The following SNX29 variants were observed in gnomAD, a reference collection of about 807,000 sequenced individuals.
The protein encoded by SNX29 is sorting nexin 29, also known as sorting nexin-29.
Under a neutral mutation model 102.1 loss-of-function variants are expected in SNX29, and 78 were observed. The observed-to-expected ratio is 0.76, with a 90% CI of 0.64 to 0.92. SNX29 has a LOEUF of 0.92. Among genes scored for constraint, SNX29 ranks in the 40% least tolerant of loss-of-function variants. SNX29 has a pLI of 0.00. For synonymous variants in SNX29, 580 were observed against 414.5 expected, an observed-to-expected ratio of 1.40 and a Z score of -4.85; for missense variants, 1,280 against 1,061.7, an observed-to-expected ratio of 1.21 and a Z score of -2.86.
intron 19 of SNX29, 120 bp from the exon 20 acceptor site, chr16:12,524,582 A>G: frequency 1.8e-6 from 2 of 1,128,806 alleles, no homozygotes; most frequent in Non-Finnish European, 2.4e-6. Flanking sequence ...CATACGAGAT[A>G]GTTGCTCAAT....
chr16:12,539,312 C>T (rs1010213868), intron 20 of SNX29, among the ~76,000 whole-genome samples: 2 of 152,086 alleles, frequency 1.3e-5, no homozygotes, highest in Non-Finnish European at 2.9e-5. Context: ...GTCCCTCCCC[C>T]TCTAGTTTTG....
At chr16:12,476,903 C>T (rs947299012) in intron 18 of SNX29, among the ~76,000 whole-genome samples, 1 of 152,166 alleles carries the variant, frequency 6.6e-6, no homozygotes, top group Non-Finnish European at 1.5e-5. Context: ...TGTATTGACA[C>T]TCATGGAGTG....
chr16:12,534,764 C>T (rs142293329), intron 20 of SNX29, among the ~76,000 whole-genome samples: 12 of 152,310 alleles, frequency 7.9e-5, no homozygotes, highest in Non-Finnish European at 1.5e-4. Context: ...TTTCTTTCTG[C>T]GTCTACCCCT....
chr16:12,126,527 C>T (rs2054220881), intron 11 of SNX29, 106 bp from the exon 12 acceptor site: 3 of 1,176,736 alleles, frequency 2.5e-6, no homozygotes, highest in South Asian at 1.4e-5. Context: ...GAAAAGGGAA[C>T]TTATCTAGAC....
chr16:12,478,049 G>A (rs1005855267), intron 19 of SNX29, among the ~76,000 whole-genome samples, 190 bp downstream of exon 19: 3 of 152,216 alleles, frequency 2.0e-5, no homozygotes, highest in Non-Finnish European at 4.4e-5. Flanking sequence ...ATTACGTCAT[G>A]TGTGTGTGTA....
intron 20 of SNX29, among the ~76,000 whole-genome samples, chr16:12,550,629 C>G (rs201464692): frequency 4.1e-5 from 6 of 147,834 alleles, no homozygotes; most frequent in African/African-American, 9.9e-5. Context: ...TGTAGAAAGA[C>G]ACATTAAAAA....
chr16:12,137,237 A>C (rs1173958129), intron 13 of SNX29, among the ~76,000 whole-genome samples: 5 of 152,206 alleles, frequency 3.3e-5, no homozygotes, highest in African/African-American at 7.2e-5. Flanking sequence ...GTAAGCGCTC[A>C]GTGAATGTCA....
At chr16:12,538,308 G>T (rs530933260) in intron 20 of SNX29, among the ~76,000 whole-genome samples, 1 of 152,262 alleles carries the variant, frequency 6.6e-6, no homozygotes, top group Non-Finnish European at 1.5e-5. Flanking sequence ...TTTTAGTAGA[G>T]AGGGGGTTTC....
chr16:12,295,560 G>GT (rs1163993543), intron 15 of SNX29, among the ~76,000 whole-genome samples: 3 of 152,032 alleles, frequency 2.0e-5, no homozygotes, highest in Non-Finnish European at 2.9e-5. Context: ...AATATACCCT[G>GT]TTTCCTCGGG....
At chr16:12,427,057 A>G (rs1267688664) in intron 18 of SNX29, among the ~76,000 whole-genome samples, 1 of 152,212 alleles carries the variant, frequency 6.6e-6, no homozygotes, top group Admixed American at 6.5e-5. Context: ...AAGAGAATGG[A>G]TAGTTTAGGC....
chr16:12,006,172 C>A (rs536030269), intron 3 of SNX29, among the ~76,000 whole-genome samples: 1 of 151,004 alleles, frequency 6.6e-6, no homozygotes, highest in Non-Finnish European at 1.5e-5. Context: ...CCATTGCATT[C>A]TAGCTTGGGC....
At chr16:12,548,531 C>G (rs754649371) in intron 20 of SNX29, among the ~76,000 whole-genome samples, 30 of 152,302 alleles carry the variant, frequency 2.0e-4, no homozygotes, top group Non-Finnish European at 4.3e-4. Context: ...GAGGGTGCAG[C>G]CTTCTGGGAA....
chr16:12,534,477 T>A (rs2077017025), intron 20 of SNX29, among the ~76,000 whole-genome samples: 1 of 152,334 alleles, frequency 6.6e-6, no homozygotes, highest in Non-Finnish European at 1.5e-5. Context: ...GGTTTTTGTT[T>A]TCGGGGTTTG....
intron 11 of SNX29, chr16:12,095,128 T>G (rs1267297412): frequency 1.3e-5 from 2 of 152,232 alleles, no homozygotes; most frequent in South Asian, 2.1e-4. Flanking sequence ...GTACCGTCAC[T>G]GCTGCGGAAA....
chr16:12,537,984 C>CA lies in SNX29; in HGVS notation c.2318+13162dup, dbSNP rs33931845. On this transcript the variant is annotated intron_variant, in intron 20 of 20. Coordinates refer to ENST00000566228, the MANE Select transcript of SNX29 (RefSeq NM_032167.5). Reference sequence around the variant, plus strand: ...TGGGCAATAGAGCAAAACTCCGTTTCAAAAAAAAAAAAAAAAAAATTGTCT... The same window carrying CA: ...TGGGCAATAGAGCAAAACTCCGTTTCAAAAAAAAAAAAAAAAAAAATTGTCT... 3.8e-3 allele frequency among the ~76,000 whole-genome samples: 482 copies of CA among 128,020 alleles called. 1 individual carries two copies. Among genetic ancestry groups the CA allele is most frequent in the Admixed American group, 8.4e-3 (106 of 12,642 alleles). 84.0% of individuals were successfully genotyped at this position (128,020 alleles called of 152,430 possible).
At chr16:12,251,333 A>G (rs1475554841) in intron 14 of SNX29, among the ~76,000 whole-genome samples, 7 of 152,236 alleles carry the variant, frequency 4.6e-5, no homozygotes, top group African/African-American at 1.7e-4. Flanking sequence ...TATGTTCATT[A>G]ATATTATTGA....
intron 20 of SNX29, chr16:12,546,402 T>C (rs1418036204): frequency 9.8e-6 from 1 of 102,350 alleles, no homozygotes; most frequent in Non-Finnish European, 2.7e-5. Flanking sequence ...AGCAAGTCAC[T>C]TCTTAAGCTC....
chr16:12,125,393 T>A (rs1024481590), intron 11 of SNX29, among the ~76,000 whole-genome samples: 2 of 152,040 alleles, frequency 1.3e-5, no homozygotes, highest in African/African-American at 4.8e-5. Context: ...TGGCTGCACT[T>A]GTGATATCAG....
chr16:12,466,864 C>G (rs959373472), intron 18 of SNX29, among the ~76,000 whole-genome samples: 3 of 152,166 alleles, frequency 2.0e-5, no homozygotes, highest in African/African-American at 7.2e-5. Flanking sequence ...GAGACTGTTC[C>G]ATGAGTCCTC....
Sources: allele counts gnomAD v4.1 joint callset (sites outside exome capture counted in the v4.1 genomes callset), GRCh38; gene constraint gnomAD v4.1.1; transcripts MANE v1.5; gene names NCBI Gene and HGNC (gene_info 2026-07-23, HGNC 2026-07-21).